DMD: variants seen among roughly 807,000 people sequenced by gnomAD.
DMD encodes dystrophin.
A neutral mutation model predicts 330.1 loss-of-function variants in DMD; 63 were observed. The observed-to-expected ratio is 0.19, with a 90% CI of 0.16 to 0.24. The LOEUF is 0.24. Among genes scored for constraint, DMD ranks in the 10% least tolerant of loss-of-function variants. DMD has a pLI of 1.00. For synonymous variants in DMD, 1,223 were observed against 959.8 expected (o/e 1.27, Z -5.07); for missense variants, 3,344 against 2,684.1 (o/e 1.25, Z -5.43).
chrX:32,141,759 T>A (rs113707720), intron 44 of DMD, among the ~76,000 whole-genome samples: 1 of 108,522 alleles, frequency 9.2e-6, no homozygotes, highest in African/African-American at 3.4e-5. Flanking sequence ...TAGACACTCA[T>A]GTAGAAAGCC....
intron 74 of DMD, among the ~76,000 whole-genome samples, chrX:31,158,199 G>A (rs1472317058): frequency 9.0e-6 from 1 of 111,622 alleles, no homozygotes; most frequent in Non-Finnish European, 1.9e-5. Flanking sequence ...TAGCCCAAAT[G>A]TCCATCAAGT....
At chrX:32,676,465 AC>A (rs1424920816) in intron 9 of DMD, among the ~76,000 whole-genome samples, 1 of 111,272 alleles carries the variant, frequency 9.0e-6, no homozygotes, top group African/African-American at 3.3e-5. Flanking sequence ...GTCTCACCAT[AC>A]CCTATTTTTC....
At chrX:33,245,917 G>A (rs1473007861) in intron 1 of DMD, among the ~76,000 whole-genome samples, 3 of 111,487 alleles carry the variant, frequency 2.7e-5, no homozygotes, top group Non-Finnish European at 5.7e-5. Context: ...CTGTAACTAG[G>A]AACACTACAA....
chrX:32,933,707 G>A (rs1453837201), intron 2 of DMD, among the ~76,000 whole-genome samples: 6 of 111,923 alleles, frequency 5.4e-5, no homozygotes, highest in African/African-American at 1.9e-4. Flanking sequence ...TGTTGAATGG[G>A]AAACCATCAG....
chrX:31,661,635 C>T (rs937835504), intron 53 of DMD, among the ~76,000 whole-genome samples: 4 of 111,657 alleles, frequency 3.6e-5, no homozygotes, highest in African/African-American at 1.3e-4. Context: ...CAGGGAATTG[C>T]TTGTGTGGTG....
chrX:32,636,717 G>A (rs2059120327), intron 11 of DMD, among the ~76,000 whole-genome samples: 1 of 111,837 alleles, frequency 8.9e-6, no homozygotes, highest in African/African-American at 3.3e-5. Flanking sequence ...TTCTTGGCCA[G>A]GCGTGGTGGC....
At chrX:33,075,818 G>A (rs1293817880) in intron 1 of DMD, among the ~76,000 whole-genome samples, 1 of 111,591 alleles carries the variant, frequency 9.0e-6, no homozygotes, top group Non-Finnish European at 1.9e-5. Context: ...ATAACTTTGG[G>A]AGGAACTTAG....
intron 1 of DMD, among the ~76,000 whole-genome samples, chrX:33,332,121 G>C (rs2054188321): frequency 9.0e-6 from 1 of 111,562 alleles, no homozygotes. Context: ...AGTGTGAACA[G>C]GTACTGAAGA....
intron 55 of DMD, among the ~76,000 whole-genome samples, chrX:31,518,738 A>G (rs187192075): frequency 4.5e-5 from 5 of 111,108 alleles, no homozygotes; most frequent in Admixed American, 2.9e-4. Context: ...CACCAACTCT[A>G]TGAAATAGGC....
chrX:32,883,237 G>C (rs145814429), intron 2 of DMD, among the ~76,000 whole-genome samples: 1,338 of 111,705 alleles, frequency 0.012, 10 homozygotes, highest in Non-Finnish European at 0.016. Flanking sequence ...TCATATACAT[G>C]GTTGAAGTTT....
chrX:33,008,823 T>C (rs199778969), intron 2 of DMD, among the ~76,000 whole-genome samples: 1 of 33,425 alleles, frequency 3.0e-5, no homozygotes. Flanking sequence ...CACATAAATG[T>C]ATACGTATAT....
chrX:32,771,503 T>TACACACACACACACACACACACACAC lies in DMD; in HGVS notation c.649+37989_649+37990insGTGTGTGTGTGTGTGTGTGTGTGTGT, dbSNP rs754545800. ...AAATTCCCTAATCCCATTTTGTTAA[T>TACACACACACACACACACACACACAC]ACACACACACACACACACACACTCT... is the stretch of plus-strand genomic sequence containing the variant. On this transcript the variant is annotated intron_variant, in intron 7 of 78. Coordinates refer to ENST00000357033, the MANE Select transcript of DMD (RefSeq NM_004006.3). Among the ~76,000 whole-genome samples the TACACACACACACACACACACACACAC allele has an allele frequency of 3.3e-3, 346 of 105,788 alleles. 2 individuals carry two copies. Among genetic ancestry groups the TACACACACACACACACACACACACAC allele is most frequent in the African/African-American group, 0.012 (329 of 28,267 alleles). 91.9% of individuals were successfully genotyped at this position (105,788 alleles called of 115,157 possible). A position where few individuals can be genotyped will look rare whatever the true frequency, so the allele number is the denominator to read the frequency against.
intron 1 of DMD, among the ~76,000 whole-genome samples, chrX:33,143,435 T>C (rs1318523894): frequency 9.0e-5 from 10 of 111,515 alleles, no homozygotes; most frequent in Non-Finnish European, 1.7e-4. Context: ...GTCATCCTTC[T>C]AGAAAATGAG....
intron 49 of DMD, among the ~76,000 whole-genome samples, chrX:31,833,359 A>AGAG (rs2093115275): frequency 1.4e-4 from 7 of 50,452 alleles, no homozygotes; most frequent in African/African-American, 2.5e-4. Context: ...GAGGGAGGGA[A>AGAG]AGAGAGAGAG....
intron 44 of DMD, among the ~76,000 whole-genome samples, chrX:32,106,419 T>A (rs1312624138): frequency 2.7e-5 from 3 of 111,359 alleles, no homozygotes; most frequent in Non-Finnish European, 5.7e-5. Flanking sequence ...AACATTAAAG[T>A]TAAATTATTT....
At chrX:31,502,781 T>C (rs988311410) in intron 56 of DMD, among the ~76,000 whole-genome samples, 3 of 111,552 alleles carry the variant, frequency 2.7e-5, no homozygotes, top group African/African-American at 9.7e-5. Flanking sequence ...TGTAAAACAA[T>C]TGACTTGACC....
At chrX:32,390,250 A>T (rs995216871) in intron 30 of DMD, 69 bp from the exon 31 acceptor site, 14 of 811,847 alleles carry the variant, frequency 1.7e-5, no homozygotes, top group Non-Finnish European at 2.6e-5. Context: ...AGAAGACGAA[A>T]TTCAGAAACT....
intron 5 of DMD, among the ~76,000 whole-genome samples, chrX:32,817,157 G>C (rs2077828163): frequency 9.0e-6 from 1 of 111,431 alleles, no homozygotes; most frequent in Admixed American, 9.6e-5. Flanking sequence ...GTTAGTGTAA[G>C]ATCAAAGTAC....
intron 1 of DMD, among the ~76,000 whole-genome samples, chrX:33,045,313 C>T (rs960314157): frequency 3.5e-5 from 3 of 84,747 alleles, no homozygotes; most frequent in Non-Finnish European, 6.8e-5. Flanking sequence ...CACACAGGTG[C>T]GTACACACAC....
Sources: gnomAD v4.1 joint callset for allele counts (sites outside exome capture counted in the v4.1 genomes callset) on GRCh38, gnomAD v4.1.1 for gene constraint, MANE v1.5 for transcripts, NCBI Gene and HGNC (gene_info 2026-07-23, HGNC 2026-07-21) for gene names.